RBFOX1: variants seen among roughly 807,000 people sequenced by gnomAD.
RBFOX1 encodes the protein RNA binding fox-1 homolog 1.
A neutral mutation model predicts 57.7 loss-of-function variants in RBFOX1; 8 were observed. The ratio of observed to expected loss-of-function variants is 0.14; its 90% confidence interval spans 0.08 to 0.25. The LOEUF (loss-of-function observed/expected upper bound fraction) is 0.25. RBFOX1 is among the 10% of genes least tolerant of loss of function. The pLI, the probability that RBFOX1 is intolerant of heterozygous loss-of-function variation, is 1.00. For missense variants in RBFOX1, 611 were observed against 548.5 expected, an observed-to-expected ratio of 1.11 and a Z score of -1.14; for synonymous variants, 326 against 222.4, an observed-to-expected ratio of 1.47 and a Z score of -4.15.
intron 1 of RBFOX1, among the ~76,000 whole-genome samples, chr16:6,184,959 G>C (rs1345051733): frequency 6.6e-6 from 1 of 152,186 alleles, no homozygotes; most frequent in Non-Finnish European, 1.5e-5. Context: ...GAAAGAGAGA[G>C]AGAAGAAGGA....
chr16:7,403,514 C>T (rs973515850), intron 4 of RBFOX1, among the ~76,000 whole-genome samples: 1 of 151,336 alleles, frequency 6.6e-6, no homozygotes, highest in African/African-American at 2.4e-5. Context: ...TTTATTTTCT[C>T]TAGCATAATG....
chr16:6,539,417 TTATTG>T (rs2096780501), intron 2 of RBFOX1, among the ~76,000 whole-genome samples: 1 of 152,166 alleles, frequency 6.6e-6, no homozygotes, highest in African/African-American at 2.4e-5. Context: ...ACGCTGGCTG[TTATTG>T]TATTATTATC....
intron 14 of RBFOX1, among the ~76,000 whole-genome samples, chr16:7,700,212 CATAAAAT>C (rs1208712009): frequency 1.3e-5 from 2 of 152,152 alleles, no homozygotes; most frequent in Admixed American, 6.5e-5. Context: ...ACTGATCCCA[CATAAAAT>C]AGACGAGAGG....
intron 3 of RBFOX1, among the ~76,000 whole-genome samples, chr16:6,932,012 C>A (rs186359723): frequency 9.8e-4 from 150 of 152,316 alleles, no homozygotes; most frequent in Non-Finnish European, 1.6e-3. Context: ...AACTAACTGA[C>A]ACCTGCAGTA....
intron 3 of RBFOX1, among the ~76,000 whole-genome samples, chr16:6,995,632 C>T (rs1053467278): frequency 1.2e-4 from 18 of 152,090 alleles, no homozygotes; most frequent in East Asian, 7.7e-4. Context: ...TGGTGGTGCA[C>T]GCTTGTAATC....
intron 1 of RBFOX1, among the ~76,000 whole-genome samples, chr16:5,250,463 C>G (rs566260845): frequency 1.5e-4 from 23 of 152,296 alleles, no homozygotes; most frequent in African/African-American, 5.1e-4. Flanking sequence ...TGTTGTTCCC[C>G]TCTCTGTGTC....
chr16:5,949,562 C>T (rs112978636), intron 4 of RBFOX1, among the ~76,000 whole-genome samples: 2 of 149,176 alleles, frequency 1.3e-5, no homozygotes, highest in South Asian at 4.3e-4. Context: ...AATACAGGAT[C>T]CAATTAAAGA....
At chr16:7,507,423 G>A (rs1270666274) in intron 4 of RBFOX1, among the ~76,000 whole-genome samples, 1 of 152,104 alleles carries the variant, frequency 6.6e-6, no homozygotes, top group Non-Finnish European at 1.5e-5. Context: ...AAAAAACACA[G>A]AACATTTTTC....
chr16:7,411,522 A>C (rs8049549), intron 4 of RBFOX1, among the ~76,000 whole-genome samples: 56,135 of 152,044 alleles, frequency 0.37, 10,729 homozygotes, highest in Middle Eastern at 0.47. Context: ...CCAAATCTAT[A>C]ACCCCAGTCT....
At chr16:5,623,354 G>T (rs1266840975) in intron 3 of RBFOX1, among the ~76,000 whole-genome samples, 1 of 152,040 alleles carries the variant, frequency 6.6e-6, no homozygotes, top group Non-Finnish European at 1.5e-5. Flanking sequence ...CATTTTCCTG[G>T]GCCCTTCCAC....
rs372181683 is a variant in RBFOX1 at position 7,699,295 on chromosome 16, G to A, written c.996-9761G>A. 1.1e-3 allele frequency among the ~76,000 whole-genome samples: 172 copies of A among 151,994 alleles called. 1 individual carries two copies. Among genetic ancestry groups the A allele is most frequent in the African/African-American group, 4.1e-3 (169 of 41,428 alleles). ...AATCCTGGACCTCCTGGGATCTAGC[G>A]ATCCTCCCACTTCACCCTCCCTAGT... is the stretch of plus-strand genomic sequence containing the variant. On this transcript the variant is annotated intron_variant, in intron 14 of 15. Transcript: ENST00000550418.
At chr16:7,205,800 G>A (rs1311719671) in intron 4 of RBFOX1, among the ~76,000 whole-genome samples, 1 of 152,228 alleles carries the variant, frequency 6.6e-6, no homozygotes, top group East Asian at 1.9e-4. Flanking sequence ...ATCTGTATGA[G>A]GTGAATTGAA....
At chr16:6,765,718 A>G (rs980939101) in intron 3 of RBFOX1, among the ~76,000 whole-genome samples, 1 of 152,206 alleles carries the variant, frequency 6.6e-6, no homozygotes, top group Non-Finnish European at 1.5e-5. Context: ...ACAATTGCAA[A>G]GATACAGAAT....
At chr16:7,006,638 A>G (rs1188464376) in intron 3 of RBFOX1, among the ~76,000 whole-genome samples, 1 of 152,066 alleles carries the variant, frequency 6.6e-6, no homozygotes, top group South Asian at 2.1e-4. Context: ...TATAGAGACA[A>G]GGTCTCCCTG....
intron 3 of RBFOX1, among the ~76,000 whole-genome samples, chr16:6,682,275 G>C (rs567466450): frequency 6.6e-6 from 1 of 152,272 alleles, no homozygotes; most frequent in African/African-American, 2.4e-5. Flanking sequence ...ACACAGCCCT[G>C]CCTCCTCTGG....
At chr16:6,323,107 AAG>A (rs1453525847) in intron 2 of RBFOX1, among the ~76,000 whole-genome samples, 7 of 152,256 alleles carry the variant, frequency 4.6e-5, no homozygotes, top group East Asian at 1.9e-4. Context: ...CATGGGAGGA[AAG>A]AGAGAGAGAA....
At chr16:6,979,358 G>A (rs1239783188) in intron 3 of RBFOX1, among the ~76,000 whole-genome samples, 1 of 144,126 alleles carries the variant, frequency 6.9e-6, no homozygotes, top group Non-Finnish European at 1.5e-5. Flanking sequence ...GTGTAATTAT[G>A]AAAACATTAG....
At chr16:7,175,051 A>G (rs1029676036) in intron 4 of RBFOX1, among the ~76,000 whole-genome samples, 1 of 150,328 alleles carries the variant, frequency 6.7e-6, no homozygotes, top group African/African-American at 2.5e-5. Flanking sequence ...TTTATTTTTT[A>G]TTTTTAATTC....
chr16:6,662,572 C>G (rs2098708252), intron 3 of RBFOX1, among the ~76,000 whole-genome samples: 1 of 151,968 alleles, frequency 6.6e-6, no homozygotes, highest in Non-Finnish European at 1.5e-5. Flanking sequence ...GGTATCAAAT[C>G]ACGTAGTAGG....
Sources: allele counts gnomAD v4.1 joint callset (sites outside exome capture counted in the v4.1 genomes callset), GRCh38; gene constraint gnomAD v4.1.1; transcripts MANE v1.5; gene names NCBI Gene and HGNC (gene_info 2026-07-23, HGNC 2026-07-21).